RAB38: variants seen among roughly 807,000 people sequenced by gnomAD.
The protein encoded by RAB38 is RAB38, member RAS oncogene family.
Under a neutral mutation model 18.4 loss-of-function variants are expected in RAB38, and 15 were observed. The ratio of observed to expected loss-of-function variants is 0.82; its 90% CI spans 0.55 to 1.26. The LOEUF is 1.26. RAB38 is among the 50% of genes most tolerant of loss of function. The pLI, the probability that RAB38 is intolerant of heterozygous loss-of-function variation, is 0.00. For missense variants in RAB38, 294 were observed against 267.4 expected (o/e 1.10, Z -0.69); for synonymous variants, 101 against 104.4 (o/e 0.97, Z 0.20).
chr11:87,816,112 G>A, the RAB38 span: 1 of 152,216 alleles, frequency 6.6e-6, no homozygotes, highest in Non-Finnish European at 1.5e-5. Context: ...TAAATGAGTA[G>A]TTGATCATTT....
intron 1 of RAB38, among the ~76,000 whole-genome samples, chr11:88,169,407 G>GA (rs973895039): frequency 1.9e-4 from 29 of 152,042 alleles, no homozygotes; most frequent in African/African-American, 6.3e-4. Context: ...TTTATTAATA[G>GA]AAAAAACAAT....
chr11:88,140,654 G>C (rs1942900163), intron 2 of RAB38, among the ~76,000 whole-genome samples: 2 of 152,150 alleles, frequency 1.3e-5, no homozygotes, highest in African/African-American at 4.8e-5. Flanking sequence ...CATAAAGCTA[G>C]GAGGCACGTT....
At chr11:88,056,527 C>T in the RAB38 span, among the ~76,000 whole-genome samples, 1 of 152,000 alleles carries the variant, frequency 6.6e-6, no homozygotes, top group African/African-American at 2.4e-5. Flanking sequence ...ATGAGGGGCC[C>T]GGCGCAGTGG....
chr11:87,857,084 A>C, the RAB38 span, among the ~76,000 whole-genome samples: 1 of 151,914 alleles, frequency 6.6e-6, no homozygotes, highest in Admixed American at 6.6e-5. Flanking sequence ...TCATTGTTCA[A>C]TTCCCACCTA....
At chr11:87,846,393 A>G in the RAB38 span, among the ~76,000 whole-genome samples, 1 of 152,102 alleles carries the variant, frequency 6.6e-6, no homozygotes. Context: ...AAGTAAATGA[A>G]TGGGGAGAAT....
chr11:87,887,352 A>C, the RAB38 span, among the ~76,000 whole-genome samples: 16 of 152,120 alleles, frequency 1.1e-4, no homozygotes, highest in Middle Eastern at 3.4e-3. Context: ...TTCAGTGGCC[A>C]AAACAGGAAT....
chr11:88,125,764 G>T (rs907662316), intron 2 of RAB38, among the ~76,000 whole-genome samples: 6 of 152,118 alleles, frequency 3.9e-5, no homozygotes, highest in African/African-American at 1.4e-4. Flanking sequence ...CATTGCCTTT[G>T]GTGTTTTAGA....
At chr11:87,813,610 C>T in the RAB38 span, among the ~76,000 whole-genome samples, 1 of 151,930 alleles carries the variant, frequency 6.6e-6, no homozygotes, top group African/African-American at 2.4e-5. Context: ...GAGTTTAGGA[C>T]TAAGCATAGT....
At chr11:87,858,950 A>G in the RAB38 span, among the ~76,000 whole-genome samples, 2 of 151,722 alleles carry the variant, frequency 1.3e-5, no homozygotes, top group East Asian at 1.9e-4. Flanking sequence ...AAAAAGTAAA[A>G]AAAAAAAATA....
the RAB38 span, among the ~76,000 whole-genome samples, chr11:87,930,791 C>T: frequency 6.6e-6 from 1 of 152,058 alleles, no homozygotes; most frequent in Non-Finnish European, 1.5e-5. Flanking sequence ...TATGGCTAGC[C>T]AGTTTTCCCA....
intron 2 of RAB38, among the ~76,000 whole-genome samples, chr11:88,135,577 T>G (rs1591163237): frequency 6.6e-6 from 1 of 152,238 alleles, no homozygotes; most frequent in South Asian, 2.1e-4. Context: ...TTTCAACTAC[T>G]GTGGTAATGC....
At chr11:87,935,026 G>C in the RAB38 span, among the ~76,000 whole-genome samples, 1 of 151,886 alleles carries the variant, frequency 6.6e-6, no homozygotes, top group African/African-American at 2.4e-5. Flanking sequence ...AATGCTGGTA[G>C]AAACTGCAAG....
intron 1 of RAB38, among the ~76,000 whole-genome samples, chr11:88,159,265 C>G (rs919374277): frequency 6.6e-5 from 10 of 150,536 alleles, no homozygotes; most frequent in Admixed American, 4.6e-4. Flanking sequence ...AGGAATACAT[C>G]TAACCAAGGA....
chr11:87,821,692 A>C, the RAB38 span, among the ~76,000 whole-genome samples: 1 of 151,950 alleles, frequency 6.6e-6, no homozygotes, highest in Non-Finnish European at 1.5e-5. Flanking sequence ...TCTACTCAAA[A>C]TACAAAAAAT....
chr11:87,929,025 G>T, the RAB38 span, among the ~76,000 whole-genome samples: 2 of 152,002 alleles, frequency 1.3e-5, no homozygotes, highest in Non-Finnish European at 2.9e-5. Flanking sequence ...TGAAGCATGA[G>T]AATCTCTTGA....
chr11:88,048,832 A>G, the RAB38 span, among the ~76,000 whole-genome samples: 1 of 152,186 alleles, frequency 6.6e-6, no homozygotes, highest in Non-Finnish European at 1.5e-5. Context: ...CTCTTAAAGT[A>G]AATAATCTTT....
intron 2 of RAB38, among the ~76,000 whole-genome samples, chr11:88,131,119 A>C (rs567913201): frequency 6.6e-6 from 1 of 152,330 alleles, no homozygotes; most frequent in Non-Finnish European, 1.5e-5. Context: ...AAATGTAAGA[A>C]AAAGAGGGTT....
At chr11:87,911,838 G>C in the RAB38 span, among the ~76,000 whole-genome samples, 1 of 151,926 alleles carries the variant, frequency 6.6e-6, no homozygotes, top group African/African-American at 2.4e-5. Context: ...TAACTGTAAT[G>C]TTAGGGGAAA....
At chr11:87,893,150 C>T in the RAB38 span, among the ~76,000 whole-genome samples, 65 of 151,358 alleles carry the variant, frequency 4.3e-4, no homozygotes, top group African/African-American at 1.4e-3. Flanking sequence ...ACTTTCTCTT[C>T]GTCTTTCATT....
Sources: allele counts gnomAD v4.1 joint callset (sites outside exome capture counted in the v4.1 genomes callset), GRCh38; gene constraint gnomAD v4.1.1; transcripts MANE v1.5; gene names NCBI Gene and HGNC (gene_info 2026-07-23, HGNC 2026-07-21).